SESTD1: variants seen among roughly 807,000 people sequenced by gnomAD.
SESTD1 encodes SEC14 domain and spectrin repeat-containing protein 1.
Under a neutral mutation model 101.7 loss-of-function variants are expected in SESTD1, and 43 were observed. That is an observed-to-expected ratio of 0.42 (90% CI 0.33 to 0.55). SESTD1 has a LOEUF of 0.55. SESTD1 is among the 20% of genes least tolerant of loss of function. The pLI, the probability that SESTD1 is intolerant of heterozygous loss-of-function variation, is 0.07. For missense variants in SESTD1, 647 were observed against 815.1 expected, an observed-to-expected ratio of 0.79 and a Z score of 2.51; for synonymous variants, 283 against 286.8, an observed-to-expected ratio of 0.99 and a Z score of 0.13.
In SESTD1 at chr2:179,102,736, AAG is replaced by A. The variant is rs558041632; in HGVS notation, c.*7161_*7162del. ...GTAATAGAACAGCTGGGAGAGGTAA[AAG>A]AGTGGATAAGAGAGTCATCAGAGTG... On this transcript the variant is annotated 3_prime_UTR_variant, in exon 18 of 18. Transcript: ENST00000428443. 7.3e-4 allele frequency: 111 copies of A among 152,268 alleles called. No individual in the cohort carries two copies. Among genetic ancestry groups the A allele is most frequent in the African/African-American group, 2.6e-3 (109 of 41,562 alleles). The allele number at this position is 152,268 out of a possible 1,614,324, so 9.4% of individuals were successfully genotyped here.
Position 179,134,346 on chromosome 2 carries a change from T to TA in SESTD1, c.850-1921dup, listed in dbSNP as rs554210175. Among the ~76,000 whole-genome samples the TA allele has an allele frequency of 6.6e-5, 10 of 152,342 alleles. No individual in the cohort carries two copies. The South Asian group carries it at 2.1e-3, about 32-fold the overall frequency. The stretch of plus-strand genomic sequence containing the variant: ...CCACTTGGCTATTGTTATTATAACA[T>TA]AATTTTCAATGACTTTGCAAATCCT... On this transcript the variant is annotated intron_variant, in intron 9 of 17. Coordinates refer to ENST00000428443, the MANE Select transcript of SESTD1 (RefSeq NM_178123.5).
intron 1 of SESTD1, among the ~76,000 whole-genome samples, chr2:179,229,103 G>A (rs973563780): frequency 1.3e-5 from 2 of 152,168 alleles, no homozygotes; most frequent in Admixed American, 1.3e-4. Flanking sequence ...ATGCATCAAG[G>A]GTGTGATGGT....
At chr2:179,198,067 C>G (rs577295847) in intron 1 of SESTD1, among the ~76,000 whole-genome samples, 3 of 152,214 alleles carry the variant, frequency 2.0e-5, no homozygotes, top group Admixed American at 2.0e-4. Flanking sequence ...GGAAACCCAC[C>G]TCACATGCAG....
At chr2:179,118,259 C>T (rs1259381350) in intron 13 of SESTD1, among the ~76,000 whole-genome samples, 1 of 151,962 alleles carries the variant, frequency 6.6e-6, no homozygotes, top group East Asian at 1.9e-4. Flanking sequence ...CTTAAAAAAA[C>T]AAAAAAACTC....
intron 3 of SESTD1, among the ~76,000 whole-genome samples, chr2:179,180,443 T>C (rs1243503397): frequency 6.6e-6 from 1 of 152,138 alleles, no homozygotes; most frequent in Non-Finnish European, 1.5e-5. Flanking sequence ...CATTAACAGC[T>C]GGAAGCTGGG....
intron 1 of SESTD1, among the ~76,000 whole-genome samples, chr2:179,231,553 G>A (rs541208964): frequency 6.6e-6 from 1 of 150,880 alleles, no homozygotes; most frequent in African/African-American, 2.4e-5. Context: ...GGCAAAGAAA[G>A]CACATCATAG....
chr2:179,186,688 T>A (rs2046237838), intron 2 of SESTD1, among the ~76,000 whole-genome samples: 5 of 145,738 alleles, frequency 3.4e-5, no homozygotes, highest in African/African-American at 1.3e-4. Flanking sequence ...CAGGGAATTT[T>A]TTTTTTTTTT....
chr2:179,230,113 CTTTT>C (rs71023474), intron 1 of SESTD1, among the ~76,000 whole-genome samples: 11 of 56,412 alleles, frequency 1.9e-4, no homozygotes, highest in African/African-American at 5.5e-4. Context: ...GATTGTATCT[CTTTT>C]TTTTTTTTTT....
At chr2:179,188,339 A>C (rs2046266846) in intron 2 of SESTD1, among the ~76,000 whole-genome samples, 1 of 152,232 alleles carries the variant, frequency 6.6e-6, no homozygotes, top group African/African-American at 2.4e-5. Context: ...ATGTTGTGTA[A>C]ACAAAATTAA....
chr2:179,229,040 G>T (rs2046935025), intron 1 of SESTD1, among the ~76,000 whole-genome samples: 1 of 152,086 alleles, frequency 6.6e-6, no homozygotes, highest in Non-Finnish European at 1.5e-5. Context: ...AAAATTATAG[G>T]GAAGGGATTT....
chr2:179,151,221 A>G (rs1380679693), intron 6 of SESTD1, 57 bp downstream of exon 6: 1 of 1,195,728 alleles, frequency 8.4e-7, no homozygotes, highest in Non-Finnish European at 1.1e-6. Context: ...TGATAAAGTT[A>G]TCAAAATATA....
At chr2:179,240,398 A>G (rs2047133940) in intron 1 of SESTD1, among the ~76,000 whole-genome samples, 1 of 152,184 alleles carries the variant, frequency 6.6e-6, no homozygotes, top group Non-Finnish European at 1.5e-5. Flanking sequence ...TACACATTAC[A>G]TATAAAACAA....
In SESTD1 at chr2:179,110,130, G is replaced by C; in HGVS notation, c.1962-102C>G. The C allele has an allele frequency of 2.7e-6, 3 of 1,121,246 alleles. No individual in the cohort carries two copies. In the South Asian group the frequency reaches 4.5e-5, roughly 17 times the overall value. The allele number at this position is 1,121,246 out of a possible 1,614,324, so 69.5% of individuals were successfully genotyped here. A position where few individuals can be genotyped will look rare whatever the true frequency, so the allele number is the denominator to read the frequency against. ...AATTTACCATAAAAAATCTACATGA[G>C]ATAGCCTATGTGTAAATATCAGTTC... On this transcript the variant is annotated intron_variant, in intron 17 of 17. Transcript: ENST00000428443.
At chr2:179,121,119 G>A (rs977404113) in intron 13 of SESTD1, among the ~76,000 whole-genome samples, 3 of 152,076 alleles carry the variant, frequency 2.0e-5, no homozygotes, top group African/African-American at 7.2e-5. Flanking sequence ...TCTCTGTGAT[G>A]CAGAAGGAAG....
intron 1 of SESTD1, among the ~76,000 whole-genome samples, chr2:179,192,154 T>C (rs940477723): frequency 5.9e-5 from 9 of 152,158 alleles, no homozygotes; most frequent in African/African-American, 2.2e-4. Context: ...TCACAAGTGG[T>C]TGAGAATCAC....
intron 16 of SESTD1, 103 bp from the exon 17 acceptor site, chr2:179,112,948 CAGAAAT>C: frequency 7.0e-7 from 1 of 1,418,558 alleles, no homozygotes; most frequent in African/African-American, 1.4e-5. Context: ...AAGAAAGACA[CAGAAAT>C]GGAATCAAGC....
chr2:179,243,834 T>C (rs555527506), intron 1 of SESTD1, among the ~76,000 whole-genome samples: 1 of 151,398 alleles, frequency 6.6e-6, no homozygotes, highest in Non-Finnish European at 1.5e-5. Context: ...ACAGGACCAT[T>C]CATACCCTAA....
In SESTD1 at chr2:179,116,804, C is replaced by T. The variant is rs1310320957; in HGVS notation, c.1525-14G>A. On this transcript the variant is annotated splice_polypyrimidine_tract_variant and intron_variant, in intron 14 of 17. Coordinates refer to ENST00000428443, the MANE Select transcript of SESTD1 (RefSeq NM_178123.5). ...CCATTCTACTGCCTAAACAAAAAGACATAACAATGAAGCTGGATTCAGAAC... is the reference window on the plus strand; with the variant it reads ...CCATTCTACTGCCTAAACAAAAAGATATAACAATGAAGCTGGATTCAGAAC... The T allele has an allele frequency of 1.2e-6, 2 of 1,610,456 alleles. No individual in the cohort carries two copies. The highest frequency in any genetic ancestry group is 1.7e-5 in the Admixed American group (1 of 59,884).
At chr2:179,122,286 T>C (rs1305930960) in intron 12 of SESTD1, among the ~76,000 whole-genome samples, 1 of 152,224 alleles carries the variant, frequency 6.6e-6, no homozygotes, top group African/African-American at 2.4e-5. Flanking sequence ...GCTTTTATGC[T>C]GTCCAACTTA....
Sources: allele counts gnomAD v4.1 joint callset (sites outside exome capture counted in the v4.1 genomes callset), GRCh38; gene constraint gnomAD v4.1.1; transcripts MANE v1.5; gene names NCBI Gene and HGNC (gene_info 2026-07-23, HGNC 2026-07-21).